STRIP2: variants seen among roughly 807,000 people sequenced by gnomAD.
The protein encoded by STRIP2 is striatin-interacting protein 2.
STRIP2 carries 84 observed loss-of-function variants against 107.1 expected under a neutral mutation model. The ratio of observed to expected loss-of-function variants is 0.78; its 90% CI spans 0.66 to 0.94. The LOEUF (loss-of-function observed/expected upper bound fraction) is 0.94. STRIP2 is among the 40% of genes least tolerant of loss of function. STRIP2 has a pLI of 0.00. For synonymous variants in STRIP2, 394 were observed against 400.4 expected (o/e 0.98, Z 0.19); for missense variants, 888 against 1,034.2 (o/e 0.86, Z 1.94).
chr7:129,438,819 T>A (rs941526272), intron 1 of STRIP2, among the ~76,000 whole-genome samples: 2 of 152,178 alleles, frequency 1.3e-5, no homozygotes, highest in South Asian at 2.1e-4. Flanking sequence ...CAGGAAAGCA[T>A]GTACTTAGAA....
intron 3 of STRIP2, among the ~76,000 whole-genome samples, chr7:129,448,813 G>A (rs1260652091): frequency 6.6e-6 from 1 of 152,198 alleles, no homozygotes; most frequent in Non-Finnish European, 1.5e-5. Flanking sequence ...TTGAGTGACT[G>A]TGGTTCCCAC....
chr7:129,469,023 C>T (rs1798734331), intron 17 of STRIP2, among the ~76,000 whole-genome samples: 1 of 152,192 alleles, frequency 6.6e-6, no homozygotes, highest in South Asian at 2.1e-4. Context: ...AAACATGCCC[C>T]ACCTCAGAGA....
At chr7:129,465,119 A>G (rs778327502) in intron 16 of STRIP2, among the ~76,000 whole-genome samples, 1 of 152,160 alleles carries the variant, frequency 6.6e-6, no homozygotes, top group African/African-American at 2.4e-5. Context: ...AACATTTGAG[A>G]TATAATTCTG....
In STRIP2 at chr7:129,483,011, G is replaced by A. The variant is rs757522339; in HGVS notation, c.2219G>A (p.Arg740His). The change falls in exon 20 of 21, where the codon CGT becomes CAT. Residue 740 changes from arginine to histidine, a missense_variant. Arg to His is a conservative substitution (Grantham distance 29). Transcript: ENST00000249344. The surrounding 1 kb of genome is among the most constrained non-coding windows in gnomAD (Gnocchi z 5.1). The stretch of plus-strand genomic sequence containing the variant: ...ATGTCAGCCATTTACCAGAAAGTGC[G>A]TCACCGCATGAACGATGACTGGGCT... ...KTMSAIYQKV[R>H]HRMNDDWAYG... The A allele has an allele frequency of 2.2e-5, 35 of 1,614,090 alleles. No individual in the cohort carries two copies. In the East Asian group the frequency reaches 3.6e-4, roughly 16 times the overall value.
chr7:129,443,416 TC>T (rs1350997109), intron 2 of STRIP2, among the ~76,000 whole-genome samples: 1 of 152,236 alleles, frequency 6.6e-6, no homozygotes, highest in African/African-American at 2.4e-5. Context: ...AGTTAGATTT[TC>T]CTGGGCACAG....
intron 19 of STRIP2, 105 bp from the exon 20 acceptor site, chr7:129,482,737 C>A: frequency 7.5e-7 from 1 of 1,330,696 alleles, no homozygotes; most frequent in Non-Finnish European, 1.0e-6. Context: ...TTCCTGAAAG[C>A]TCCCCAGGAA....
chr7:129,456,646 T>C lies in STRIP2; in HGVS notation c.1038+4T>C, dbSNP rs370979354. On this transcript the variant is annotated splice_donor_region_variant and intron_variant, in intron 9 of 20. Transcript: ENST00000249344. ...AGGCCGCCGTGGCTCTCGAAGGGTATGGACTGAAGCAGACAATGGTATTGG... is the reference window on the plus strand; with the variant it reads ...AGGCCGCCGTGGCTCTCGAAGGGTACGGACTGAAGCAGACAATGGTATTGG... The C allele has an allele frequency of 2.5e-6, 4 of 1,613,072 alleles. No individual in the cohort carries two copies. In the African/African-American group the frequency reaches 5.3e-5, roughly 22 times the overall value.
At chr7:129,437,037 T>C (rs1365956272) in intron 1 of STRIP2, among the ~76,000 whole-genome samples, 2 of 152,242 alleles carry the variant, frequency 1.3e-5, no homozygotes, top group Admixed American at 1.3e-4. Flanking sequence ...AGTGAGTTTT[T>C]CTAAAAATTT....
At chr7:129,485,088 C>T (rs940850199) in intron 20 of STRIP2, among the ~76,000 whole-genome samples, 11 of 152,140 alleles carry the variant, frequency 7.2e-5, no homozygotes, top group African/African-American at 2.7e-4. Context: ...TCTGATTCTC[C>T]ATGTTATACC....
intron 3 of STRIP2, among the ~76,000 whole-genome samples, chr7:129,447,771 A>G (rs1798076848): frequency 6.6e-6 from 1 of 152,234 alleles, no homozygotes; most frequent in Non-Finnish European, 1.5e-5. Flanking sequence ...AATTTGCTCG[A>G]GCAATGAAAC....
At chr7:129,437,746 T>G (rs1241671354) in intron 1 of STRIP2, among the ~76,000 whole-genome samples, 1 of 152,072 alleles carries the variant, frequency 6.6e-6, no homozygotes, top group Non-Finnish European at 1.5e-5. Flanking sequence ...ACTGTTCCTT[T>G]TAATCCAAAA....
intron 18 of STRIP2, among the ~76,000 whole-genome samples, chr7:129,474,918 A>G (rs1798876969): frequency 6.6e-6 from 1 of 152,234 alleles, no homozygotes; most frequent in African/African-American, 2.4e-5. Context: ...AAGGTGAGCT[A>G]ATGGCATATT....
At chr7:129,476,157 C>G (rs1402069509) in intron 18 of STRIP2, among the ~76,000 whole-genome samples, 2 of 62,340 alleles carry the variant, frequency 3.2e-5, no homozygotes, top group African/African-American at 8.7e-5. Context: ...AGGTGCCCCC[C>G]TCCTCCCGGA....
At chr7:129,440,597 A>G (rs1797871123) in intron 2 of STRIP2, among the ~76,000 whole-genome samples, 1 of 152,166 alleles carries the variant, frequency 6.6e-6, no homozygotes, top group African/African-American at 2.4e-5. Flanking sequence ...TCAACTGGCC[A>G]GCTGAGCAAG....
At chr7:129,436,561 C>T (rs1211217595) in intron 1 of STRIP2, among the ~76,000 whole-genome samples, 1 of 152,252 alleles carries the variant, frequency 6.6e-6, no homozygotes, top group African/African-American at 2.4e-5. Flanking sequence ...AAAAGCCTGG[C>T]TGGAAAGATT....
At chr7:129,443,744 C>A (rs931699657) in intron 2 of STRIP2, among the ~76,000 whole-genome samples, 4 of 152,204 alleles carry the variant, frequency 2.6e-5, no homozygotes, top group Non-Finnish European at 5.9e-5. Flanking sequence ...AGATTAAGCT[C>A]TCTGTGCTGC....
chr7:129,440,228 C>A, intron 2 of STRIP2, 137 bp downstream of exon 2: 1 of 684,374 alleles, frequency 1.5e-6, no homozygotes, highest in South Asian at 1.8e-5. Context: ...TCCTTTTCCT[C>A]TCCATCCAAG....
chr7:129,478,232 G>T, intron 18 of STRIP2: 3 of 220,358 alleles, frequency 1.4e-5, no homozygotes, highest in Non-Finnish European at 1.8e-5. Context: ...TTGTTAGGCC[G>T]GGCACAGTGG....
chr7:129,434,753 G>T, intron 1 of STRIP2, 152 bp downstream of exon 1: 1 of 1,018,800 alleles, frequency 9.8e-7, no homozygotes, highest in East Asian at 3.2e-5. Flanking sequence ...GCTGAACTCT[G>T]GGCTCTTTGG....
Sources: allele counts gnomAD v4.1 joint callset (sites outside exome capture counted in the v4.1 genomes callset), GRCh38; gene constraint gnomAD v4.1.1; non-coding constraint Gnocchi (gnomAD v3.1); transcripts MANE v1.5; gene names NCBI Gene and HGNC (gene_info 2026-07-23, HGNC 2026-07-21).